NLGN1: variants seen among roughly 807,000 people sequenced by gnomAD.
NLGN1 encodes neuroligin-1.
NLGN1 carries 12 observed loss-of-function variants against 65.5 expected under a neutral mutation model. That is an observed-to-expected ratio of 0.18 (90% confidence interval 0.12 to 0.30). The LOEUF (loss-of-function observed/expected upper bound fraction) is 0.30. NLGN1 is among the 10% of genes least tolerant of loss of function. The probability of loss-of-function intolerance (pLI) is 1.00; values close to 1 mark genes in which losing one functional copy is unlikely to be tolerated. For synonymous variants in NLGN1, 350 were observed against 359.5 expected, an observed-to-expected ratio of 0.97 and a Z score of 0.30; for missense variants, 750 against 1,007.1, an observed-to-expected ratio of 0.74 and a Z score of 3.46.
intron 3 of NLGN1, among the ~76,000 whole-genome samples, chr3:173,671,164 A>G (rs991689369): frequency 3.3e-5 from 5 of 152,164 alleles, no homozygotes; most frequent in African/African-American, 1.2e-4. Context: ...ACTCTGAGCA[A>G]TTAGAAGAAG....
intron 4 of NLGN1, among the ~76,000 whole-genome samples, chr3:174,018,647 A>C (rs2152454969): frequency 6.6e-6 from 1 of 152,236 alleles, no homozygotes; most frequent in East Asian, 1.9e-4. Context: ...TCTTAAAACA[A>C]AATTAAACTT....
intron 3 of NLGN1, among the ~76,000 whole-genome samples, chr3:173,638,108 G>A (rs764144695): frequency 1.8e-4 from 27 of 151,066 alleles, no homozygotes; most frequent in Admixed American, 1.4e-3. Context: ...TGAAACTCCT[G>A]TTTTACGCCA....
rs1579327845 is a variant in NLGN1 at position 173,943,789 on chromosome 3, G to A, written c.646+135957G>A. On this transcript the variant is annotated intron_variant, in intron 4 of 6. Coordinates refer to ENST00000457714, the Ensembl canonical transcript of NLGN1. ...TAGGAAGCCTAACAAAGCTTCCCAAGTGTGAAGCTGTGACATTTTGTTATT... is the reference window on the plus strand; with the variant it reads ...TAGGAAGCCTAACAAAGCTTCCCAAATGTGAAGCTGTGACATTTTGTTATT... Among the ~76,000 whole-genome samples the A allele has an allele frequency of 4.6e-5, 7 of 152,290 alleles. No individual in the cohort carries two copies. In the South Asian group the frequency reaches 1.2e-3, roughly 27 times the overall value.
At chr3:173,833,840 T>C (rs1308375904) in intron 4 of NLGN1, among the ~76,000 whole-genome samples, 2 of 152,116 alleles carry the variant, frequency 1.3e-5, no homozygotes, top group African/African-American at 2.4e-5. Flanking sequence ...CCTATAGGAG[T>C]TTAAAATTTG....
intron 4 of NLGN1, among the ~76,000 whole-genome samples, chr3:174,027,842 G>A (rs35149922): frequency 0.26 from 39,220 of 151,950 alleles, 5,972 homozygotes; most frequent in African/African-American, 0.42. Flanking sequence ...TATCTGATAC[G>A]GTTTGGCTGT....
Position 173,854,567 on chromosome 3 carries a change from A to T in NLGN1, c.646+46735A>T, listed in dbSNP as rs180941069. 5.5e-3 allele frequency among the ~76,000 whole-genome samples: 840 copies of T among 152,014 alleles called. 5 individuals are homozygous for T. Among genetic ancestry groups the T allele is most frequent in the Admixed American group, 0.023 (345 of 15,270 alleles). On this transcript the variant is annotated intron_variant, in intron 4 of 6. Coordinates refer to ENST00000457714, the Ensembl canonical transcript of NLGN1. ...ATGAATAGCCTATTTAACTTTTTTT[A>T]AAAAAAATCAATGTTTGCGTTGATT... is the stretch of plus-strand genomic sequence containing the variant.
At chr3:174,225,454 G>A (rs1451813204) in intron 4 of NLGN1, among the ~76,000 whole-genome samples, 1 of 152,112 alleles carries the variant, frequency 6.6e-6, no homozygotes, top group Non-Finnish European at 1.5e-5. Flanking sequence ...TATTCTGGCC[G>A]GGCGCGGTGG....
chr3:173,699,092 G>A (rs1355069026), intron 3 of NLGN1, among the ~76,000 whole-genome samples: 1 of 152,056 alleles, frequency 6.6e-6, no homozygotes, highest in Non-Finnish European at 1.5e-5. Context: ...CCGACCACAG[G>A]TGATCCATCC....
intron 2 of NLGN1, among the ~76,000 whole-genome samples, chr3:173,505,515 C>G (rs1257507150): frequency 6.6e-6 from 1 of 152,082 alleles, no homozygotes; most frequent in East Asian, 1.9e-4. Flanking sequence ...CCAGAGAATT[C>G]TGATATTCTG....
At chr3:174,197,485 A>T (rs1453382126) in intron 4 of NLGN1, among the ~76,000 whole-genome samples, 1 of 143,140 alleles carries the variant, frequency 7.0e-6, no homozygotes, top group Non-Finnish European at 1.5e-5. Flanking sequence ...TTATAAAAGG[A>T]GAATGGCTTT....
In NLGN1 at chr3:173,685,317, T is replaced by C. The variant is rs9871330; in HGVS notation, c.493+80226T>C. Reference sequence around the variant, plus strand: ...AAGAACAGATTCAAATCATTCTTTATGTATGGTTAAGACATATTCCCAGGT... The same window carrying C: ...AAGAACAGATTCAAATCATTCTTTACGTATGGTTAAGACATATTCCCAGGT... On this transcript the variant is annotated intron_variant, in intron 3 of 6. Transcript: ENST00000457714. Among the ~76,000 whole-genome samples, 727 of 152,324 alleles carry C rather than the reference T, an allele frequency of 4.8e-3. 8 individuals are homozygous for C. Among genetic ancestry groups the C allele is most frequent in the African/African-American group, 0.017 (698 of 41,570 alleles).
Position 174,264,637 on chromosome 3 carries a change from C to T in NLGN1, c.647-10678C>T, listed in dbSNP as rs1282418255. Among the ~76,000 whole-genome samples, 6 of 150,422 alleles carry T rather than the reference C, an allele frequency of 4.0e-5. No individual in the cohort carries two copies. The Admixed American group carries it at 4.0e-4, about 10-fold the overall frequency. ...TTTGCCTTTGGTTTGAATGTCCTCC[C>T]GCAGCTCAGAGTAATTTGATCGTCT... On this transcript the variant is annotated intron_variant, in intron 4 of 6. Coordinates refer to ENST00000457714, the Ensembl canonical transcript of NLGN1.
chr3:173,986,741 G>A (rs547424290), intron 4 of NLGN1, among the ~76,000 whole-genome samples: 1 of 152,288 alleles, frequency 6.6e-6, no homozygotes, highest in South Asian at 2.1e-4. Flanking sequence ...TCAAGTCTCT[G>A]GGTCCTGCAT....
At chr3:174,037,973 T>C (rs964818764) in intron 4 of NLGN1, among the ~76,000 whole-genome samples, 2 of 152,116 alleles carry the variant, frequency 1.3e-5, no homozygotes, top group Non-Finnish European at 2.9e-5. Context: ...GTCCTGATAT[T>C]AATGCCTCCA....
chr3:174,039,865 GT>G (rs1231214417), intron 4 of NLGN1, among the ~76,000 whole-genome samples: 2 of 152,128 alleles, frequency 1.3e-5, no homozygotes, highest in East Asian at 3.9e-4. Flanking sequence ...GCCTAAGAAT[GT>G]GAGAAATGAC....
Position 173,535,604 on chromosome 3 carries a change from G to T in NLGN1, c.-320-68675G>T, listed in dbSNP as rs561682043. 2.6e-5 allele frequency among the ~76,000 whole-genome samples: 4 copies of T among 152,224 alleles called. No homozygotes were observed. In the South Asian group the frequency reaches 6.2e-4, roughly 24 times the overall value. ...TGTATCTAGGCTGCTCAGATTATCAGACACCACATCTAGAGTGAGAGGATC... is the reference window on the plus strand; with the variant it reads ...TGTATCTAGGCTGCTCAGATTATCATACACCACATCTAGAGTGAGAGGATC... On this transcript the variant is annotated intron_variant, in intron 2 of 6. Coordinates refer to ENST00000457714, the Ensembl canonical transcript of NLGN1.
In NLGN1 at chr3:174,055,139, A is replaced by T. The variant is rs1034782095; in HGVS notation, c.647-220176A>T. 6.7e-5 allele frequency among the ~76,000 whole-genome samples: 10 copies of T among 149,400 alleles called. No homozygotes were observed. In the East Asian group the frequency reaches 1.6e-3, roughly 23 times the overall value. On this transcript the variant is annotated intron_variant, in intron 4 of 6. Coordinates refer to ENST00000457714, the Ensembl canonical transcript of NLGN1. ...TCAATTTTCTGAATATCAACTCCTT[A>T]AAGGAGCTTGCTTTTTTTTTTTTTT...
At chr3:174,254,925 T>A (rs1745406162) in intron 4 of NLGN1, among the ~76,000 whole-genome samples, 1 of 152,292 alleles carries the variant, frequency 6.6e-6, no homozygotes, top group Non-Finnish European at 1.5e-5. Context: ...AACTACTTTT[T>A]TTCCAGAATC....
chr3:174,027,115 A>G (rs1347233791), intron 4 of NLGN1, among the ~76,000 whole-genome samples: 1 of 152,034 alleles, frequency 6.6e-6, no homozygotes, highest in African/African-American at 2.4e-5. Flanking sequence ...GTAAAAATAG[A>G]AATCCATCTT....
Sources: gnomAD v4.1 joint callset for allele counts (sites outside exome capture counted in the v4.1 genomes callset) on GRCh38, gnomAD v4.1.1 for gene constraint, MANE v1.5 for transcripts, NCBI Gene and HGNC (gene_info 2026-07-23, HGNC 2026-07-21) for gene names.